LPA: variants seen among roughly 807,000 people sequenced by gnomAD.
LPA encodes lipoprotein(a).
LPA carries 199 observed loss-of-function variants against 197.9 expected under a neutral mutation model. The observed-to-expected ratio is 1.01, with a 90% CI of 0.90 to 1.13. The LOEUF is 1.13. Among genes scored for constraint, LPA ranks in the 50% most tolerant of loss-of-function variants. The pLI is 0.00. For missense variants in LPA, 1,853 were observed against 1,785.8 expected (o/e 1.04, Z -0.68); for synonymous variants, 715 against 639.5 (o/e 1.12, Z -1.78).
chr6:160,564,644 G>C (rs890475864), intron 28 of LPA, among the ~76,000 whole-genome samples: 2 of 152,258 alleles, frequency 1.3e-5, no homozygotes, highest in Admixed American at 1.3e-4. Flanking sequence ...ATCTCACCGG[G>C]GCTTGTCAGA....
intron 7 of LPA, among the ~76,000 whole-genome samples, 182 bp from the exon 8 acceptor site, chr6:160,634,094 C>A (rs1385862175): frequency 7.3e-6 from 1 of 136,774 alleles, no homozygotes; most frequent in Admixed American, 7.2e-5. Context: ...CAGATTCCTA[C>A]CAATCTAGAA....
At chr6:160,585,310 C>G in intron 25 of LPA, 105 bp from the exon 26 acceptor site, 2 of 1,055,586 alleles carry the variant, frequency 1.9e-6, no homozygotes, top group East Asian at 2.4e-5. Flanking sequence ...ACAATTTACA[C>G]TCTTCTATAT....
At chr6:160,595,622 T>C in intron 20 of LPA, 87 bp from the exon 21 acceptor site, 1 of 1,589,346 alleles carries the variant, frequency 6.3e-7, no homozygotes, top group Non-Finnish European at 8.6e-7. Context: ...TGTAACAAAG[T>C]GTAAAAAGAG....
intron 37 of LPA, among the ~76,000 whole-genome samples, chr6:160,535,358 G>A (rs1004071401): frequency 7.5e-6 from 1 of 133,880 alleles, no homozygotes; most frequent in Admixed American, 7.9e-5. Context: ...TGGTAGTAGC[G>A]GTGGTAATGA....
intron 2 of LPA, among the ~76,000 whole-genome samples, chr6:160,647,546 A>T (rs1297441889): frequency 6.6e-6 from 1 of 152,220 alleles, no homozygotes; most frequent in African/African-American, 2.4e-5. Context: ...AGAGCTCTTT[A>T]AAGACTTTTT....
chr6:160,573,254 C>T (rs1162800690), intron 28 of LPA, among the ~76,000 whole-genome samples: 2 of 152,066 alleles, frequency 1.3e-5, no homozygotes, highest in East Asian at 3.9e-4. Context: ...TGTCACATTT[C>T]CAAAGGTGTG....
intron 28 of LPA, among the ~76,000 whole-genome samples, 179 bp downstream of exon 28, chr6:160,576,957 G>A (rs1207048367): frequency 6.6e-6 from 1 of 151,994 alleles, no homozygotes; most frequent in Non-Finnish European, 1.5e-5. Flanking sequence ...AGGAAAAATA[G>A]CAGGCCTAAA....
intron 28 of LPA, among the ~76,000 whole-genome samples, chr6:160,576,424 A>G (rs1778679383): frequency 8.1e-6 from 1 of 123,900 alleles, no homozygotes; most frequent in African/African-American, 3.0e-5. Flanking sequence ...ATGGGTATAT[A>G]TATATATACA....
chr6:160,557,487 C>T lies in LPA; in HGVS notation c.4716G>A (p.Glu1572=). The change falls in exon 29 of 39, where the codon GAG becomes GAA. Residue 1572 remains glutamate, a synonymous_variant. Coordinates refer to ENST00000316300, the MANE Select transcript of LPA (RefSeq NM_005577.4). ...CTGAGCATTGTGTCAGATTGCAGTACTCCCACCTCACACACGGATCGGTTG... is the reference window on the plus strand; with the variant it reads ...CTGAGCATTGTGTCAGATTGCAGTATTCCCACCTCACACACGGATCGGTTG... ...CYTTDPCVRW[E]YCNLTQCSET... is the part of the protein sequence containing the mutation. The T allele has an allele frequency of 6.2e-7, 1 of 1,614,086 alleles. No individual in the cohort carries two copies. Among genetic ancestry groups the T allele is most frequent in the Non-Finnish European group, 8.5e-7 (1 of 1,180,006 alleles).
chr6:160,570,970 A>C (rs976454180), intron 28 of LPA, among the ~76,000 whole-genome samples: 1 of 152,154 alleles, frequency 6.6e-6, no homozygotes, highest in African/African-American at 2.4e-5. Flanking sequence ...AGTGTTTTCC[A>C]ACTTGGTTCC....
chr6:160,597,494 A>T (rs1028967409), intron 20 of LPA, among the ~76,000 whole-genome samples: 2 of 152,136 alleles, frequency 1.3e-5, no homozygotes, highest in African/African-American at 2.4e-5. Flanking sequence ...CATTGTGTGT[A>T]TATATGTGCA....
intron 33 of LPA, among the ~76,000 whole-genome samples, chr6:160,544,330 G>A (rs1274747430): frequency 6.6e-6 from 1 of 152,170 alleles, no homozygotes; most frequent in East Asian, 1.9e-4. Context: ...GAACCACCAA[G>A]ATGCTTCTGC....
chr6:160,547,387 G>A (rs920647198), intron 32 of LPA, among the ~76,000 whole-genome samples: 1 of 152,188 alleles, frequency 6.6e-6, no homozygotes, highest in African/African-American at 2.4e-5. Context: ...AGGCAGCTAT[G>A]AGAGTGATGG....
chr6:160,538,000 G>T, intron 36 of LPA, 39 bp from the exon 37 acceptor site: 2 of 1,558,010 alleles, frequency 1.3e-6, no homozygotes, highest in Non-Finnish European at 1.8e-6. Context: ...TCACTGCCCA[G>T]CTGGAAGTGG....
rs185934663 is a variant in LPA, at chr6:160,646,897, T to G, written c.210-502A>C. Among the ~76,000 whole-genome samples the G allele has an allele frequency of 8.7e-3, 1,291 of 148,798 alleles. 16 individuals carry two copies. Among genetic ancestry groups the G allele is most frequent in the South Asian group, 0.014 (68 of 4,770 alleles). ...AAACATGGCATCAAGGAGGATAACCTTTCCAGGTCAACTCTCACACTCCAT... is the reference window on the plus strand; with the variant it reads ...AAACATGGCATCAAGGAGGATAACCGTTCCAGGTCAACTCTCACACTCCAT... On this transcript the variant is annotated intron_variant, in intron 2 of 38. Coordinates refer to ENST00000316300, the MANE Select transcript of LPA (RefSeq NM_005577.4).
chr6:160,615,385 T>G (rs1237924816), intron 14 of LPA, among the ~76,000 whole-genome samples: 1 of 127,748 alleles, frequency 7.8e-6, no homozygotes, highest in Non-Finnish European at 1.7e-5. Flanking sequence ...TGTGTGTGTG[T>G]AGCTCATTCT....
At chr6:160,651,461 G>A (rs754533157) in intron 1 of LPA, among the ~76,000 whole-genome samples, 6 of 152,334 alleles carry the variant, frequency 3.9e-5, no homozygotes, top group African/African-American at 7.2e-5. Context: ...GTGCATTTAA[G>A]ATAAAAGCAA....
intron 32 of LPA, among the ~76,000 whole-genome samples, chr6:160,546,597 C>G (rs115557600): frequency 0.016 from 2,493 of 152,288 alleles, 65 homozygotes; most frequent in African/African-American, 0.057. Context: ...TCACAGCCTG[C>G]AACTTGGGAT....
chr6:160,657,646 C>G (rs1316992327), intron 1 of LPA, among the ~76,000 whole-genome samples: 1 of 152,132 alleles, frequency 6.6e-6, no homozygotes, highest in Admixed American at 6.5e-5. Flanking sequence ...ATCTGCCCGC[C>G]CCCGCCTCCC....
Sources: allele counts gnomAD v4.1 joint callset (sites outside exome capture counted in the v4.1 genomes callset), GRCh38; gene constraint gnomAD v4.1.1; transcripts MANE v1.5; gene names NCBI Gene and HGNC (gene_info 2026-07-23, HGNC 2026-07-21).